Variants in TTC7B observed in about 807,000 individuals in gnomAD.
TTC7B encodes the protein tetratricopeptide repeat domain 7B, also known as tetratricopeptide repeat protein 7B.
In TTC7B, 28 loss-of-function variants were observed where a neutral mutation model predicts 106.8. The observed-to-expected ratio is 0.26, with a 90% CI of 0.19 to 0.36. The LOEUF is 0.36. TTC7B is among the 10% of genes least tolerant of loss of function. The pLI is 1.00. For missense variants in TTC7B, 862 were observed against 1,076.4 expected (o/e 0.80, Z 2.79); for synonymous variants, 405 against 430.6 (o/e 0.94, Z 0.74).
Position 90,802,533 on chromosome 14 carries a change from T to C in TTC7B, c.121+13642A>G, listed in dbSNP as rs866064849. The stretch of plus-strand genomic sequence containing the variant: ...AGTGGCATGAAACAAGGGAGTTTCC[T>C]AATTGCTTTTATTTCCTCAGTAAAG... On this transcript the variant is annotated intron_variant, in intron 1 of 19. Transcript: ENST00000328459. The surrounding 1 kb of genome is among the most constrained non-coding windows in gnomAD (Gnocchi z 4.7). Among the ~76,000 whole-genome samples the C allele has an allele frequency of 2.6e-5, 4 of 152,104 alleles. No homozygotes were observed. Among genetic ancestry groups the C allele is most frequent in the Admixed American group, 6.6e-5 (1 of 15,266 alleles).
chr14:90,558,698 G>A (rs531414258), intron 19 of TTC7B, among the ~76,000 whole-genome samples: 2 of 152,346 alleles, frequency 1.3e-5, no homozygotes, highest in African/African-American at 4.8e-5. Context: ...CCCGGCCAGC[G>A]CTCCTCTGCC....
intron 5 of TTC7B, among the ~76,000 whole-genome samples, chr14:90,729,065 T>A (rs1469507848): frequency 6.6e-6 from 1 of 152,198 alleles, no homozygotes; most frequent in Non-Finnish European, 1.5e-5. Context: ...AACCTTGGGG[T>A]GTGTGTCACA....
rs75604832 is a variant in TTC7B at position 90,649,579 on chromosome 14, C to T, written c.1518-2556G>A. Among the ~76,000 whole-genome samples the T allele has an allele frequency of 7.9e-5, 12 of 152,348 alleles. No individual in the cohort carries two copies. In the East Asian group the frequency reaches 2.3e-3, roughly 29 times the overall value. On this transcript the variant is annotated intron_variant, in intron 13 of 19. Coordinates refer to ENST00000328459, the MANE Select transcript of TTC7B (RefSeq NM_001010854.2). ...ATAAACTGAACACCTGGCTAGACTG[C>T]TCAGAAATACCTAAAAGACCTAAAA...
chr14:90,754,156 A>G (rs746447149), intron 3 of TTC7B, among the ~76,000 whole-genome samples: 2 of 152,218 alleles, frequency 1.3e-5, no homozygotes, highest in Non-Finnish European at 2.9e-5. Flanking sequence ...CATTGGAGAT[A>G]AGGAAACTAG....
At chr14:90,787,260 G>A (rs72695528) in intron 1 of TTC7B, among the ~76,000 whole-genome samples, 6,490 of 152,166 alleles carry the variant, frequency 0.043, 175 homozygotes, top group Non-Finnish European at 0.058. Context: ...TGTCTATATT[G>A]GCTTAATTCA....
At chr14:90,591,323 A>G (rs996058302) in intron 18 of TTC7B, among the ~76,000 whole-genome samples, 1 of 152,222 alleles carries the variant, frequency 6.6e-6, no homozygotes, top group African/African-American at 2.4e-5. Flanking sequence ...CCTGGGCCAA[A>G]GAGTGAGACT....
At chr14:90,594,784 G>A (rs978599635) in intron 17 of TTC7B, among the ~76,000 whole-genome samples, 2 of 152,108 alleles carry the variant, frequency 1.3e-5, no homozygotes, top group East Asian at 1.9e-4. Context: ...TTTCAGTTGC[G>A]CTTTGGAATG....
At chr14:90,719,151 C>T (rs1402973436) in intron 5 of TTC7B, among the ~76,000 whole-genome samples, 2 of 152,024 alleles carry the variant, frequency 1.3e-5, no homozygotes, top group East Asian at 1.9e-4. Flanking sequence ...TGGCACGCAC[C>T]TGCAGTCCCA....
At chr14:90,720,181 T>C (rs1474987823) in intron 5 of TTC7B, among the ~76,000 whole-genome samples, 1 of 152,112 alleles carries the variant, frequency 6.6e-6, no homozygotes, top group East Asian at 1.9e-4. Flanking sequence ...CCACCTCACC[T>C]TTGCCAGTTA....
chr14:90,717,685 T>G (rs536102068), intron 5 of TTC7B, among the ~76,000 whole-genome samples: 24 of 152,308 alleles, frequency 1.6e-4, no homozygotes, highest in African/African-American at 5.5e-4. Context: ...GATGATTTTT[T>G]AAAAACAGGT....
intron 18 of TTC7B, among the ~76,000 whole-genome samples, chr14:90,581,748 A>G (rs1191788778): frequency 6.6e-6 from 1 of 152,220 alleles, no homozygotes; most frequent in Non-Finnish European, 1.5e-5. Context: ...ATAAATGCCA[A>G]TAAGACTGTG....
intron 16 of TTC7B, among the ~76,000 whole-genome samples, chr14:90,614,693 T>A (rs1363114633): frequency 6.6e-6 from 1 of 152,260 alleles, no homozygotes; most frequent in Non-Finnish European, 1.5e-5. Flanking sequence ...TTAGCTTCAA[T>A]TTTATTTTCT....
chr14:90,775,933 C>T (rs921250797), intron 3 of TTC7B, among the ~76,000 whole-genome samples: 3 of 151,520 alleles, frequency 2.0e-5, no homozygotes, highest in South Asian at 4.2e-4. Context: ...TTAAAATTTC[C>T]GGTTTAAAAA....
At chr14:90,724,099 C>G (rs1888998278) in intron 5 of TTC7B, among the ~76,000 whole-genome samples, 1 of 152,136 alleles carries the variant, frequency 6.6e-6, no homozygotes, top group African/African-American at 2.4e-5. Context: ...GGTGCTTCCC[C>G]ATCTGTAGGC....
At chr14:90,596,074 A>G (rs1892190183) in intron 17 of TTC7B, among the ~76,000 whole-genome samples, 1 of 152,168 alleles carries the variant, frequency 6.6e-6, no homozygotes. Flanking sequence ...GAGGTTGTTT[A>G]TATGTTATGT....
rs566194083 is a variant in TTC7B at position 90,685,157 on chromosome 14, T to C, written c.950+4383A>G. On this transcript the variant is annotated intron_variant, in intron 7 of 19. Coordinates refer to ENST00000328459, the MANE Select transcript of TTC7B (RefSeq NM_001010854.2). ...AACCAACTCTTCTGAATGGTCCTTG[T>C]GGTTTTCTGGAGCTAGAGGGATCTC... 2.6e-5 allele frequency among the ~76,000 whole-genome samples: 4 copies of C among 152,336 alleles called. No homozygotes were observed. The East Asian group carries it at 7.7e-4, about 29-fold the overall frequency.
At chr14:90,617,883 G>C in intron 16 of TTC7B, 46 bp downstream of exon 16, 1 of 1,459,536 alleles carries the variant, frequency 6.9e-7, no homozygotes. Flanking sequence ...TGATAGGCAG[G>C]GACCCATGCA....
intron 9 of TTC7B, among the ~76,000 whole-genome samples, chr14:90,673,405 T>C (rs183095548): frequency 6.6e-6 from 1 of 152,250 alleles, no homozygotes; most frequent in African/African-American, 2.4e-5. Context: ...AATTTCATTA[T>C]GGGCGGAAAG....
At chr14:90,563,447 G>A (rs557429698) in intron 19 of TTC7B, among the ~76,000 whole-genome samples, 10 of 152,308 alleles carry the variant, frequency 6.6e-5, no homozygotes, top group Non-Finnish European at 1.3e-4. Flanking sequence ...ACATCTTGTT[G>A]CTAAAAAATG....
Sources: allele counts gnomAD v4.1 joint callset (sites outside exome capture counted in the v4.1 genomes callset), GRCh38; gene constraint gnomAD v4.1.1; non-coding constraint Gnocchi (gnomAD v3.1); transcripts MANE v1.5; gene names NCBI Gene and HGNC (gene_info 2026-07-23, HGNC 2026-07-21).